The following ADAMTS3 variants were observed in gnomAD, a reference collection of about 807,000 sequenced individuals.
ADAMTS3 encodes ADAM metallopeptidase with thrombospondin type 1 motif 3, also known as A disintegrin and metalloproteinase with thrombospondin motifs 3.
A neutral mutation model predicts 129.0 loss-of-function variants in ADAMTS3; 73 were observed. The observed-to-expected ratio is 0.57, with a 90% CI of 0.47 to 0.69. ADAMTS3 has a LOEUF of 0.69. Among genes scored for constraint, ADAMTS3 ranks in the 30% least tolerant of loss-of-function variants. The pLI is 0.00. For synonymous variants in ADAMTS3, 477 were observed against 510.8 expected (o/e 0.93, Z 0.89); for missense variants, 1,457 against 1,514.5 (o/e 0.96, Z 0.63).
rs774801542 is a variant in ADAMTS3, at chr4:72,304,029, T to A, written c.2312A>T (p.Glu771Val). Residue 771 changes from glutamate to valine, a missense_variant, in exon 17 of 22, where the codon GAA becomes GTA. By Grantham distance (121) the Glu-to-Val change is moderately radical. Coordinates refer to ENST00000286657, the MANE Select transcript of ADAMTS3 (RefSeq NM_014243.3). ...GHYILNGKGE[E>V]AKSRTFIDLG... The stretch of plus-strand genomic sequence containing the variant: ...ATCTATGAAGGTCCGCGACTTGGCT[T>A]CCTCCCCTTTGCCATTTAAAATATA... 1 of 1,613,750 alleles carries A rather than the reference T, an allele frequency of 6.2e-7. No homozygotes were observed. The highest frequency in any genetic ancestry group is 1.1e-5 in the South Asian group (1 of 91,076).
intron 3 of ADAMTS3, among the ~76,000 whole-genome samples, chr4:72,490,510 T>G (rs1195293311): frequency 1.3e-5 from 2 of 151,936 alleles, no homozygotes; most frequent in Non-Finnish European, 2.9e-5. Flanking sequence ...TTTAATACAT[T>G]TGAACGGAAT....
intron 4 of ADAMTS3, among the ~76,000 whole-genome samples, chr4:72,399,661 T>G (rs749830700): frequency 3.3e-5 from 5 of 150,960 alleles, no homozygotes; most frequent in Non-Finnish European, 7.4e-5. Context: ...AGGAGGAACT[T>G]AGAAAACTGT....
chr4:72,307,739 G>T (rs983830346), intron 15 of ADAMTS3, among the ~76,000 whole-genome samples: 1 of 152,026 alleles, frequency 6.6e-6, no homozygotes, highest in Non-Finnish European at 1.5e-5. Flanking sequence ...AATACTTGCA[G>T]ATTTCATTTT....
intron 3 of ADAMTS3, among the ~76,000 whole-genome samples, chr4:72,531,768 C>A (rs1417342870): frequency 2.0e-5 from 3 of 152,142 alleles, no homozygotes; most frequent in Non-Finnish European, 4.4e-5. Context: ...CTTCAAAGGT[C>A]CGCATTATAC....
At chr4:72,566,678 C>T (rs542715605) in intron 2 of ADAMTS3, among the ~76,000 whole-genome samples, 1 of 152,264 alleles carries the variant, frequency 6.6e-6, no homozygotes, top group Admixed American at 6.5e-5. Context: ...TTTCAGCCTC[C>T]GCATTCACAA....
rs115721798 is a variant in ADAMTS3, at chr4:72,503,892, G to A, written c.504+44586C>T. 2.3e-3 allele frequency among the ~76,000 whole-genome samples: 343 copies of A among 152,214 alleles called. 1 individual carries two copies. The highest frequency in any genetic ancestry group is 8.0e-3 in the African/African-American group (331 of 41,550). ...TTTTACTGTTGTTGGTTTAATGTCT[G>A]TTTCATCTAATATAAGAATACTTAT... On this transcript the variant is annotated intron_variant, in intron 3 of 21. Coordinates refer to ENST00000286657, the MANE Select transcript of ADAMTS3 (RefSeq NM_014243.3).
intron 4 of ADAMTS3, among the ~76,000 whole-genome samples, chr4:72,373,322 G>A (rs1455849516): frequency 6.6e-6 from 1 of 152,118 alleles, no homozygotes; most frequent in Admixed American, 6.6e-5. Flanking sequence ...TACAAGGTGA[G>A]ACTGCCACGC....
intron 3 of ADAMTS3, among the ~76,000 whole-genome samples, chr4:72,443,000 A>G (rs979603305): frequency 2.6e-4 from 40 of 151,740 alleles, no homozygotes; most frequent in African/African-American, 9.7e-4. Flanking sequence ...ACAACGATAA[A>G]AGGTTTATAA....
intron 4 of ADAMTS3, among the ~76,000 whole-genome samples, chr4:72,405,145 A>G (rs1722019176): frequency 6.6e-6 from 1 of 152,150 alleles, no homozygotes. Flanking sequence ...TCCTGAGAAT[A>G]TTAAAAAATA....
intron 3 of ADAMTS3, among the ~76,000 whole-genome samples, chr4:72,495,634 A>C (rs1250326339): frequency 6.6e-6 from 1 of 152,156 alleles, no homozygotes; most frequent in East Asian, 1.9e-4. Context: ...ACAGTTGCAA[A>C]AAAATACCTA....
At chr4:72,554,316 T>G (rs1380706792) in intron 2 of ADAMTS3, among the ~76,000 whole-genome samples, 1 of 152,212 alleles carries the variant, frequency 6.6e-6, no homozygotes, top group Non-Finnish European at 1.5e-5. Flanking sequence ...ATTTTCCTAG[T>G]GGTTTCCAAA....
chr4:72,557,751 A>G (rs1313960734), intron 2 of ADAMTS3, among the ~76,000 whole-genome samples: 1 of 151,848 alleles, frequency 6.6e-6, no homozygotes, highest in Non-Finnish European at 1.5e-5. Flanking sequence ...AGGTAAGAGA[A>G]GATATTTCAA....
chr4:72,336,019 C>T (rs1023493202), intron 5 of ADAMTS3, among the ~76,000 whole-genome samples: 11 of 152,092 alleles, frequency 7.2e-5, no homozygotes, highest in South Asian at 4.2e-4. Flanking sequence ...TAAATTAAGG[C>T]GATACTCTGA....
intron 4 of ADAMTS3, among the ~76,000 whole-genome samples, chr4:72,374,878 G>C (rs2109871501): frequency 6.6e-6 from 1 of 152,226 alleles, no homozygotes; most frequent in Non-Finnish European, 1.5e-5. Flanking sequence ...CTTGATATAA[G>C]CAACTACCAC....
intron 3 of ADAMTS3, among the ~76,000 whole-genome samples, chr4:72,547,738 A>G (rs1038179995): frequency 6.6e-6 from 1 of 152,206 alleles, no homozygotes; most frequent in Non-Finnish European, 1.5e-5. Context: ...AAAAAGACAG[A>G]AAACACCAAC....
intron 4 of ADAMTS3, among the ~76,000 whole-genome samples, chr4:72,381,453 A>G (rs778842819): frequency 6.6e-6 from 1 of 152,056 alleles, no homozygotes; most frequent in African/African-American, 2.4e-5. Context: ...TTCAATGAAA[A>G]TAATCTACAT....
chr4:72,440,957 C>T (rs7697221), intron 3 of ADAMTS3, among the ~76,000 whole-genome samples: 107,481 of 151,588 alleles, frequency 0.71, 38,309 homozygotes, highest in South Asian at 0.8. Flanking sequence ...ATCTTAGTTA[C>T]TCAATACAAT....
At chr4:72,483,245 A>G (rs1056230186) in intron 3 of ADAMTS3, among the ~76,000 whole-genome samples, 42 of 152,198 alleles carry the variant, frequency 2.8e-4, no homozygotes, top group Admixed American at 7.9e-4. Context: ...GTAGAAAATT[A>G]TGAGAGCTAC....
intron 3 of ADAMTS3, chr4:72,442,351 C>T (rs1718139914): frequency 1.3e-5 from 2 of 151,788 alleles, no homozygotes; most frequent in Admixed American, 1.3e-4. Flanking sequence ...GCAGGCCATA[C>T]AAGAAGCACA....
Sources: gnomAD v4.1 joint callset for allele counts (sites outside exome capture counted in the v4.1 genomes callset) on GRCh38, gnomAD v4.1.1 for gene constraint, MANE v1.5 for transcripts, NCBI Gene and HGNC (gene_info 2026-07-23, HGNC 2026-07-21) for gene names.